The following NFIC variants were observed in gnomAD, a reference collection of about 807,000 sequenced individuals.
NFIC encodes nuclear factor 1 C-type.
A neutral mutation model predicts 54.4 loss-of-function variants in NFIC; 12 were observed. The observed-to-expected ratio is 0.22, with a 90% CI of 0.14 to 0.36. The LOEUF is 0.36. Ranked by LOEUF, NFIC falls within the 10% of genes least tolerant of loss-of-function variation. NFIC has a pLI of 1.00. For synonymous variants in NFIC, 322 were observed against 319.2 expected (o/e 1.01, Z -0.09); for missense variants, 575 against 718.2 (o/e 0.80, Z 2.28).
chr19:3,462,319 TTGTAGTGAGCCAATA>T, intron 10 of NFIC, among the ~76,000 whole-genome samples: 1 of 151,866 alleles, frequency 6.6e-6, no homozygotes, highest in South Asian at 2.1e-4. Flanking sequence ...GAGGCAGAGG[TTGTAGTGAGCCAATA>T]TCACGCCATT....
In NFIC at chr19:3,464,273, GT is replaced by G. The variant is rs1264102216; in HGVS notation, c.*1508del. 2 of 985,284 alleles carry G rather than the reference GT, an allele frequency of 2.0e-6. No homozygotes were observed. The highest frequency in any genetic ancestry group is 2.4e-6 in the Non-Finnish European group (2 of 829,936). The allele number at this position is 985,284 out of a possible 1,614,324, so 61.0% of individuals were successfully genotyped here. The stretch of plus-strand genomic sequence containing the variant: ...GCGGTCCCCGCTCGGAACGGGGAGG[GT>G]TTTCGGGGGGTTCGGCGTCGCACCT... On this transcript the variant is annotated 3_prime_UTR_variant, in exon 11 of 11. Coordinates refer to ENST00000443272, the MANE Select transcript of NFIC (RefSeq NM_001245002.2).
At chr19:3,411,881 T>C (rs940706795) in intron 2 of NFIC, among the ~76,000 whole-genome samples, 2 of 152,150 alleles carry the variant, frequency 1.3e-5, no homozygotes, top group African/African-American at 4.8e-5. Flanking sequence ...GGTGCCACAT[T>C]GAACAGTTTG....
chr19:3,371,998 C>CCTCTCTCTCTCTCTCT lies in NFIC; in HGVS notation c.30+5362_30+5377dup, dbSNP rs56852086. ...CTTTCTCTCTCTCTCCCTCTCTCTC[C>CCTCTCTCTCTCTCTCT]CTCTCTCTCTCTCTCTCTCTCTCTC... On this transcript the variant is annotated intron_variant, in intron 1 of 10. Coordinates refer to ENST00000443272, the MANE Select transcript of NFIC (RefSeq NM_001245002.2). Among the ~76,000 whole-genome samples the CCTCTCTCTCTCTCTCT allele has an allele frequency of 4.0e-4, 14 of 35,414 alleles. 1 individual carries two copies. Among genetic ancestry groups the CCTCTCTCTCTCTCTCT allele is most frequent in the East Asian group, 1.9e-3 (2 of 1,040 alleles). 23.2% of individuals were successfully genotyped at this position (35,414 alleles called of 152,430 possible).
Position 3,453,713 on chromosome 19 carries a change from A to G in NFIC, c.1270-50A>G. 1 of 1,554,610 alleles carries G rather than the reference A, an allele frequency of 6.4e-7. No individual in the cohort carries two copies. Among genetic ancestry groups the G allele is most frequent in the Non-Finnish European group, 8.6e-7 (1 of 1,156,692 alleles). ...GGGGGCGGCCGGCGCCAGCAGCCCG[A>G]GGTAGAGGGGGAGCCCACCCCTTAA... is the stretch of plus-strand genomic sequence containing the variant. On this transcript the variant is annotated intron_variant, in intron 8 of 10. Transcript: ENST00000443272. This position sits in a 1 kb window ranked among gnomAD's most constrained non-coding sequence, Gnocchi z 6.7.
At chr19:3,436,448 G>C (rs181687291) in intron 6 of NFIC, among the ~76,000 whole-genome samples, 1 of 149,398 alleles carries the variant, frequency 6.7e-6, no homozygotes, top group East Asian at 2.0e-4. Context: ...CCAGGTGTGA[G>C]CCACCATGCC....
chr19:3,370,706 T>A lies in NFIC; in HGVS notation c.30+4040T>A, dbSNP rs1459111758. ...TCTTTCTCTCTGTCTGTCTCTTTCT[T>A]TCTCCCTCCCTTCCTCTCTCTCTGT... On this transcript the variant is annotated intron_variant, in intron 1 of 10. Coordinates refer to ENST00000443272, the MANE Select transcript of NFIC (RefSeq NM_001245002.2). The surrounding 1 kb of genome is among the most constrained non-coding windows in gnomAD (Gnocchi z 5.2). 6.7e-6 allele frequency among the ~76,000 whole-genome samples: 1 copy of A among 150,272 alleles called. No homozygotes were observed. Among genetic ancestry groups the A allele is most frequent in the Non-Finnish European group, 1.5e-5 (1 of 67,712 alleles).
In NFIC at chr19:3,396,286, G is replaced by C. The variant is rs185943920; in HGVS notation, c.562+14043G>C. On this transcript the variant is annotated intron_variant, in intron 2 of 10. Coordinates refer to ENST00000443272, the MANE Select transcript of NFIC (RefSeq NM_001245002.2). ...GGAGATCCAGACCATCCTGGCTAAC[G>C]TGGTGAAACCCCGTCTCTACTAAAA... 3.3e-5 allele frequency among the ~76,000 whole-genome samples: 5 copies of C among 151,804 alleles called. No individual in the cohort carries two copies. In the East Asian group the frequency reaches 7.8e-4, roughly 24 times the overall value.
At chr19:3,456,465 C>A in intron 9 of NFIC, 85 bp from the exon 10 acceptor site, 1 of 1,320,586 alleles carries the variant, frequency 7.6e-7, no homozygotes, top group Non-Finnish European at 1.1e-6. Context: ...TGACGCCTGG[C>A]GGTGGCCACC....
intron 6 of NFIC, among the ~76,000 whole-genome samples, chr19:3,448,023 G>A (rs2082398637): frequency 1.3e-5 from 2 of 152,216 alleles, no homozygotes. Flanking sequence ...TCCTGCCTCA[G>A]CCTCCCAAGT....
In NFIC at chr19:3,360,845, G is replaced by C. The variant is rs376965022; in HGVS notation, c.3+1160G>C. Among the ~76,000 whole-genome samples, 44 of 152,320 alleles carry C rather than the reference G, an allele frequency of 2.9e-4. No individual in the cohort carries two copies. The East Asian group carries it at 8.1e-3, about 28-fold the overall frequency. ...CCCCGTGTGGGTGTGTGGCGGTTGG[G>C]GGGGGTCGCCAGGGAGTGGAGAACT... On this transcript the variant is annotated intron_variant, in intron 1 of 9. Transcript: ENST00000395111.
At position 3,408,242 on chromosome 19, in the gene NFIC, C is replaced by T. The variant is rs1024707217; in HGVS notation, c.563-16864C>T. ...CATTCTAGGCCTTCTGACAGCCCGC[C>T]GGGTTTTTAAATAAGTGTGATTATG... On this transcript the variant is annotated intron_variant, in intron 2 of 10. Coordinates refer to ENST00000443272, the MANE Select transcript of NFIC (RefSeq NM_001245002.2). 4.6e-5 allele frequency among the ~76,000 whole-genome samples: 7 copies of T among 152,188 alleles called. No homozygotes were observed. In the East Asian group the frequency reaches 7.7e-4, roughly 17 times the overall value.
intron 6 of NFIC, among the ~76,000 whole-genome samples, chr19:3,443,520 C>G (rs1270936536): frequency 6.6e-6 from 1 of 152,176 alleles, no homozygotes; most frequent in African/African-American, 2.4e-5. Flanking sequence ...GGACCCCCAG[C>G]TCCTGGGACT....
chr19:3,430,100 G>A (rs1239867318), intron 3 of NFIC, among the ~76,000 whole-genome samples: 1 of 152,068 alleles, frequency 6.6e-6, no homozygotes, highest in Non-Finnish European at 1.5e-5. Context: ...CTTACCACAG[G>A]CTGATGCACC....
At chr19:3,456,718 G>T (rs1160490286) in intron 10 of NFIC, 83 bp downstream of exon 10, 11 of 1,273,344 alleles carry the variant, frequency 8.6e-6, no homozygotes, top group African/African-American at 4.5e-5. Context: ...AAGAGGGCCT[G>T]CTGGGTCCCA....
At chr19:3,372,082 G>C (rs923683873) in intron 1 of NFIC, among the ~76,000 whole-genome samples, 1 of 143,678 alleles carries the variant, frequency 7.0e-6, no homozygotes, top group Non-Finnish European at 1.5e-5. Context: ...GTGCAGTGGC[G>C]TGATCTCAGC....
rs1011249674 is a variant in NFIC, at chr19:3,369,531, C to T, written c.30+2865C>T. ...GGCTGGCGGGGGGTGGGGGGCATCT[C>T]GGTGCCAGCCCGCTCTGTGCCACCC... On this transcript the variant is annotated intron_variant, in intron 1 of 10. Coordinates refer to ENST00000443272, the MANE Select transcript of NFIC (RefSeq NM_001245002.2). The surrounding 1 kb of genome is among the most constrained non-coding windows in gnomAD (Gnocchi z 4.3). Among the ~76,000 whole-genome samples the T allele has an allele frequency of 1.2e-4, 18 of 152,240 alleles. No homozygotes were observed. The highest frequency in any genetic ancestry group is 3.9e-4 in the East Asian group (2 of 5,190).
At chr19:3,436,706 C>A (rs983721557) in intron 6 of NFIC, among the ~76,000 whole-genome samples, 1 of 149,376 alleles carries the variant, frequency 6.7e-6, no homozygotes, top group Non-Finnish European at 1.5e-5. Flanking sequence ...AACTCCTGAC[C>A]TCAGGTGATC....
chr19:3,421,331 G>C lies in NFIC; in HGVS notation c.563-3775G>C, dbSNP rs114545296. 4.2e-3 allele frequency among the ~76,000 whole-genome samples: 643 copies of C among 152,352 alleles called. 5 individuals carry two copies. The highest frequency in any genetic ancestry group is 0.015 in the African/African-American group (617 of 41,584). ...GGCTCTGGTTCCGGAAGAGGGTCCT[G>C]TGCCCACGGCCTGGCGCCCGGACGG... On this transcript the variant is annotated intron_variant, in intron 2 of 10. Transcript: ENST00000443272.
intron 2 of NFIC, among the ~76,000 whole-genome samples, chr19:3,423,333 G>A: frequency 6.6e-6 from 1 of 152,212 alleles, no homozygotes; most frequent in Non-Finnish European, 1.5e-5. Context: ...TAAGGCCTGG[G>A]CAGTGTTTGT....
Sources: allele counts gnomAD v4.1 joint callset (sites outside exome capture counted in the v4.1 genomes callset), GRCh38; gene constraint gnomAD v4.1.1; non-coding constraint Gnocchi (gnomAD v3.1); transcripts MANE v1.5; gene names NCBI Gene and HGNC (gene_info 2026-07-23, HGNC 2026-07-21).